Variants in DSG1 observed in about 807,000 individuals in gnomAD.
DSG1 encodes desmoglein-1.
A neutral mutation model predicts 97.5 loss-of-function variants in DSG1; 39 were observed. That is an observed-to-expected ratio of 0.40 (90% CI 0.31 to 0.52). DSG1 has a LOEUF of 0.52. DSG1 is among the 20% of genes least tolerant of loss of function. The pLI, the probability that DSG1 is intolerant of heterozygous loss-of-function variation, is 0.53. For synonymous variants in DSG1, 475 were observed against 443.4 expected (o/e 1.07, Z -0.90); for missense variants, 1,311 against 1,295.4 (o/e 1.01, Z -0.18).
Position 31,354,584 on chromosome 18 carries a change from C to A in DSG1, c.2388C>A (p.His796Gln). ...PQETEPVVSG[H>Q]PPISPHFGTT... The stretch of plus-strand genomic sequence containing the variant: ...AAACAGAGCCCGTTGTTAGTGGACA[C>A]CCACCAATCTCCCCACATTTCGGCA... The change falls in exon 15 of 15, where the codon CAC becomes CAA. Residue 796 changes from histidine to glutamine, a missense_variant. Around this residue, in one of 3 missense-constraint regions of DSG1, gnomAD observed 1,038 missense variants for 964.6 expected, o/e 1.08. Transcript: ENST00000257192. 6.2e-7 allele frequency: 1 copy of A among 1,614,174 alleles called. No homozygotes were observed. Among genetic ancestry groups the A allele is most frequent in the Non-Finnish European group, 8.5e-7 (1 of 1,180,034 alleles).
chr18:31,353,837 A>G (rs60050123), intron 14 of DSG1: 5,973 of 198,122 alleles, frequency 0.03, 398 homozygotes, highest in African/African-American at 0.14. Flanking sequence ...GCTCGCGCAC[A>G]GTGGACGCAC....
chr18:31,340,234 G>T (rs1471464724), intron 11 of DSG1, among the ~76,000 whole-genome samples: 1 of 151,932 alleles, frequency 6.6e-6, no homozygotes, highest in Non-Finnish European at 1.5e-5. Context: ...AAATTTATTT[G>T]CAGTAAGTCT....
At position 31,343,382 on chromosome 18, in the gene DSG1, A is replaced by C. The variant is rs900943747; in HGVS notation, c.1688-68A>C. On this transcript the variant is annotated intron_variant, in intron 11 of 14. Coordinates refer to ENST00000257192, the MANE Select transcript of DSG1 (RefSeq NM_001942.4). ...TACGAATTCAAATTTAACCATAAAA[A>C]ATCAGGTTGTTTTGTTTTTTATTTG... The C allele has an allele frequency of 7.5e-6, 12 of 1,600,998 alleles. No homozygotes were observed. In the Admixed American group the frequency reaches 2.0e-4, roughly 27 times the overall value.
chr18:31,328,437 C>T lies in DSG1; in HGVS notation c.372+93C>T, dbSNP rs563120284. On this transcript the variant is annotated intron_variant, in intron 4 of 14. Coordinates refer to ENST00000257192, the MANE Select transcript of DSG1 (RefSeq NM_001942.4). The stretch of plus-strand genomic sequence containing the variant: ...TCATACTTAATTTGATTTCAAGAGT[C>T]TCAATATTTGGCATTTTTGGTTGTT... 1.7e-5 allele frequency: 23 copies of T among 1,359,804 alleles called. No homozygotes were observed. In the African/African-American group the frequency reaches 3.3e-4, roughly 20 times the overall value. The allele number at this position is 1,359,804 out of a possible 1,614,324, so 84.2% of individuals were successfully genotyped here. A position where few individuals can be genotyped will look rare whatever the true frequency, so the allele number is the denominator to read the frequency against.
chr18:31,337,268 G>GT (rs2071761943), intron 9 of DSG1, among the ~76,000 whole-genome samples: 1 of 151,858 alleles, frequency 6.6e-6, no homozygotes, highest in Non-Finnish European at 1.5e-5. Context: ...TTGTTTGTTT[G>GT]TTTTTTGAGA....
rs566711662 is a variant in DSG1, at chr18:31,346,499, C to T, written c.2100+301C>T. 2.0e-5 allele frequency among the ~76,000 whole-genome samples: 3 copies of T among 152,160 alleles called. No individual in the cohort carries two copies. In the South Asian group the frequency reaches 6.2e-4, roughly 32 times the overall value. ...TCACAAAATGAACCCTCCCTCTTAT[C>T]TCCAATTACTCCTTGCCATCAACTC... On this transcript the variant is annotated intron_variant, in intron 14 of 14. Coordinates refer to ENST00000257192, the MANE Select transcript of DSG1 (RefSeq NM_001942.4).
Position 31,336,396 on chromosome 18 carries a change from G to C in DSG1, c.1048G>C (p.Gly350Arg). ...TATGCAGAGTCTGCAACTCAGTATT[G>C]GTGTCAGAAATAAAGCTGAATTTCA... ...EAMQSLQLSIGVRNKAEFHHS... is the reference protein window; with the variant it reads ...EAMQSLQLSIRVRNKAEFHHS... Residue 350 changes from glycine to arginine, a missense_variant, in exon 9 of 15, where the codon GGT becomes CGT. By Grantham distance (125) the Gly-to-Arg change is moderately radical (BLOSUM62 -2). Transcript: ENST00000257192. 1 of 1,613,560 alleles carries C rather than the reference G, an allele frequency of 6.2e-7. No homozygotes were observed. Among genetic ancestry groups the C allele is most frequent in the Non-Finnish European group, 8.5e-7 (1 of 1,179,698 alleles).
rs374235029 is a variant in DSG1 at position 31,359,182 on chromosome 18, G to A, written c.*3836G>A. 5.7e-4 allele frequency among the ~76,000 whole-genome samples: 87 copies of A among 151,906 alleles called. 1 individual carries two copies. The highest frequency in any genetic ancestry group is 2.3e-3 in the South Asian group (11 of 4,794). ...TAGTTTCTTGCTTGGTTATCTGTTC[G>A]TTTTTTTAAGTTGATTTGTAATTTC... is the stretch of plus-strand genomic sequence containing the variant. On this transcript the variant is annotated 3_prime_UTR_variant, in exon 15 of 15. Coordinates refer to ENST00000257192, the MANE Select transcript of DSG1 (RefSeq NM_001942.4).
At chr18:31,353,703 G>T (rs917889780) in intron 14 of DSG1, among the ~76,000 whole-genome samples, 6 of 150,552 alleles carry the variant, frequency 4.0e-5, no homozygotes, top group African/African-American at 1.5e-4. Context: ...TCGGAAAAGC[G>T]CAGTATTCGG....
intron 10 of DSG1, 67 bp from the exon 11 acceptor site, chr18:31,339,677 C>A: frequency 8.1e-7 from 1 of 1,234,284 alleles, no homozygotes; most frequent in Non-Finnish European, 1.2e-6. Flanking sequence ...AAAAATAATT[C>A]TGTGTTGTCC....
At chr18:31,347,217 G>A (rs1460030376) in intron 14 of DSG1, among the ~76,000 whole-genome samples, 1 of 152,076 alleles carries the variant, frequency 6.6e-6, no homozygotes, top group Non-Finnish European at 1.5e-5. Flanking sequence ...TAGTAATGAG[G>A]CTTGTTGAAA....
chr18:31,339,901 T>C lies in DSG1; in HGVS notation c.1563T>C (p.Ser521=), dbSNP rs145574310. Residue 521 remains serine, a synonymous_variant, in exon 11 of 15, where the codon TCT becomes TCC. Transcript: ENST00000257192. ...SSTNYDTSTT[S]TDSSQVYSSE... ...CTAACTATGATACCAGCACAACTTC[T>C]ACTGACTCTAGCCAAGTATATTCTT... The C allele has an allele frequency of 1.4e-4, 229 of 1,614,126 alleles. 2 individuals carry two copies. In the African/African-American group the frequency reaches 2.8e-3, roughly 20 times the overall value.
intron 12 of DSG1, 85 bp downstream of exon 12, chr18:31,343,668 A>C: frequency 6.3e-7 from 1 of 1,583,642 alleles, no homozygotes; most frequent in South Asian, 1.1e-5. Flanking sequence ...GCCATCACTC[A>C]CAGTCTATGC....
intron 1 of DSG1, among the ~76,000 whole-genome samples, chr18:31,321,829 C>G (rs6506916): frequency 0.4 from 60,741 of 151,954 alleles, 13,339 homozygotes; most frequent in Non-Finnish European, 0.49. Context: ...TCTTTCTCCA[C>G]AACACATTCA....
chr18:31,339,567 A>G (rs2071775405), intron 10 of DSG1, among the ~76,000 whole-genome samples, 177 bp from the exon 11 acceptor site: 2 of 152,024 alleles, frequency 1.3e-5, no homozygotes, highest in Admixed American at 1.3e-4. Flanking sequence ...ATAATAATAT[A>G]ATAATTTAAC....
In DSG1 at chr18:31,354,026, T is replaced by C. The variant is rs114255861; in HGVS notation, c.2101-271T>C. 1.1e-3 allele frequency: 432 copies of C among 403,806 alleles called. 2 individuals are homozygous for C. Among genetic ancestry groups the C allele is most frequent in the African/African-American group, 7.6e-3 (375 of 49,082 alleles). 25.0% of individuals were successfully genotyped at this position (403,806 alleles called of 1,614,324 possible). A position where few individuals can be genotyped will look rare whatever the true frequency, so the allele number is the denominator to read the frequency against. On this transcript the variant is annotated intron_variant, in intron 14 of 14. Transcript: ENST00000257192. ...CCAATTCATGTGATTTTTTTGTGTA[T>C]GGTTTTATGTCCAAAGTACACAATT...
At position 31,339,993 on chromosome 18, in the gene DSG1, G is replaced by A; in HGVS notation, c.1655G>A (p.Gly552Glu). Residue 552 changes from glycine to glutamate, a missense_variant, in exon 11 of 15, where the codon GGA becomes GAA. By Grantham distance (98) the Gly-to-Glu change is moderately conservative. Around this residue, in one of 3 missense-constraint regions of DSG1, gnomAD observed 1,038 missense variants for 964.6 expected, o/e 1.08. Transcript: ENST00000257192. ...GTACATTTTGGTCCTGCTGGCATTGGACTCCTCATCATGGGATTCTTGGTC... is the reference window on the plus strand; with the variant it reads ...GTACATTTTGGTCCTGCTGGCATTGAACTCCTCATCATGGGATTCTTGGTC... ...DNVHFGPAGI[G>E]LLIMGFLVLG... The A allele has an allele frequency of 6.2e-7, 1 of 1,614,006 alleles. No individual in the cohort carries two copies. Among genetic ancestry groups the A allele is most frequent in the South Asian group, 1.1e-5 (1 of 91,076 alleles).
chr18:31,331,551 T>A, intron 5 of DSG1, 150 bp from the exon 6 acceptor site: 5 of 662,906 alleles, frequency 7.5e-6, no homozygotes, highest in Non-Finnish European at 1.1e-5. Flanking sequence ...AGAGCTAAGA[T>A]ATCCATATGT....
At chr18:31,353,741 C>T (rs1301720643) in intron 14 of DSG1, among the ~76,000 whole-genome samples, 2 of 151,908 alleles carry the variant, frequency 1.3e-5, no homozygotes, top group East Asian at 1.9e-4. Flanking sequence ...TTCCAGGTGC[C>T]GTCCGTCACC....
Sources: gnomAD v4.1 joint callset for allele counts (sites outside exome capture counted in the v4.1 genomes callset) on GRCh38, gnomAD v4.1.1 for gene constraint, gnomAD v4.1.1 regional missense constraint, MANE v1.5 for transcripts, NCBI Gene and HGNC (gene_info 2026-07-23, HGNC 2026-07-21) for gene names.